Variants in ABCA13 observed in about 807,000 individuals in gnomAD.
ABCA13 encodes the protein ATP binding cassette subfamily A member 13, also known as ATP-binding cassette sub-family A member 13.
ABCA13 carries 476 observed loss-of-function variants against 478.7 expected under a neutral mutation model. That is an observed-to-expected ratio of 0.99 (90% CI 0.92 to 1.07). The LOEUF (loss-of-function observed/expected upper bound fraction) is 1.07. Ranked by LOEUF, ABCA13 falls within the 50% of genes least tolerant of loss-of-function variation. ABCA13 has a pLI of 0.00. For missense variants in ABCA13, 6,060 were observed against 5,910.6 expected (o/e 1.03, Z -0.83); for synonymous variants, 2,252 against 2,158.9 (o/e 1.04, Z -1.20).
intron 43 of ABCA13, among the ~76,000 whole-genome samples, chr7:48,462,487 C>CT (rs966457801): frequency 4.3e-5 from 6 of 138,304 alleles, no homozygotes; most frequent in African/African-American, 1.3e-4. Flanking sequence ...AGATTTAAGT[C>CT]TTTTTTTCAG....
intron 48 of ABCA13, among the ~76,000 whole-genome samples, chr7:48,490,922 G>A (rs189328825): frequency 1.8e-4 from 27 of 152,290 alleles, no homozygotes; most frequent in Admixed American, 1.3e-3. Context: ...TGACCTATTG[G>A]AAGGATACTG....
chr7:48,413,213 C>T (rs950440747), intron 41 of ABCA13, among the ~76,000 whole-genome samples: 2 of 152,170 alleles, frequency 1.3e-5, no homozygotes, highest in Admixed American at 1.3e-4. Context: ...TGTAATTCTT[C>T]ATGTAGAGAT....
chr7:48,275,965 A>G lies in ABCA13; in HGVS notation c.6299A>G (p.Gln2100Arg). ...ATGGCTCTTCAAAAGATAACTTTGC[A>G]GTTTGCCCATTTCCTGGAAATCCTG... ...NSMALQKITL[Q>R]FAHFLEILDS... Residue 2100 changes from glutamine to arginine, a missense_variant, in exon 17 of 62, where the codon CAG becomes CGG. By Grantham distance (43) the Gln-to-Arg change is conservative. Transcript: ENST00000435803. The G allele has an allele frequency of 6.2e-7, 1 of 1,613,702 alleles. No homozygotes were observed. Among genetic ancestry groups the G allele is most frequent in the African/African-American group, 1.3e-5 (1 of 75,054 alleles).
chr7:48,228,155 A>T (rs923854477), intron 6 of ABCA13, among the ~76,000 whole-genome samples: 2 of 152,170 alleles, frequency 1.3e-5, no homozygotes, highest in Non-Finnish European at 2.9e-5. Flanking sequence ...TACTTATTCT[A>T]TCTGCCATTG....
chr7:48,294,421 A>G (rs901066411), intron 20 of ABCA13, among the ~76,000 whole-genome samples: 9 of 137,926 alleles, frequency 6.5e-5, no homozygotes, highest in South Asian at 2.4e-4. Flanking sequence ...CTTTGTTTCT[A>G]TGGGTTTTTT....
At chr7:48,246,094 G>A in intron 13 of ABCA13, 64 bp downstream of exon 13, 1 of 1,523,732 alleles carries the variant, frequency 6.6e-7, no homozygotes. Context: ...CACCAAAGAT[G>A]CTAATATTTA....
At chr7:48,503,154 A>G (rs1371880321) in intron 48 of ABCA13, among the ~76,000 whole-genome samples, 1 of 152,142 alleles carries the variant, frequency 6.6e-6, no homozygotes, top group East Asian at 1.9e-4. Context: ...TGGCGCAATC[A>G]TGGTTCACTG....
intron 59 of ABCA13, among the ~76,000 whole-genome samples, chr7:48,627,700 G>A (rs1345973935): frequency 6.6e-6 from 1 of 152,160 alleles, no homozygotes. Context: ...GTTTATAAAG[G>A]AAAGAGGTTC....
At chr7:48,589,533 G>A (rs112625671) in intron 57 of ABCA13, among the ~76,000 whole-genome samples, 25 of 152,224 alleles carry the variant, frequency 1.6e-4, no homozygotes, top group Admixed American at 1.2e-3. Flanking sequence ...ACATATTGAT[G>A]ACATCACATA....
intron 55 of ABCA13, among the ~76,000 whole-genome samples, chr7:48,544,655 C>A (rs2131151394): frequency 6.6e-6 from 1 of 151,954 alleles, no homozygotes; most frequent in East Asian, 1.9e-4. Context: ...TACATCTTTT[C>A]ATTTCTATCT....
chr7:48,380,326 A>G (rs1349589390), intron 35 of ABCA13, among the ~76,000 whole-genome samples: 1 of 152,222 alleles, frequency 6.6e-6, no homozygotes, highest in Non-Finnish European at 1.5e-5. Flanking sequence ...ATGTGTTTGT[A>G]TATAATGGGG....
At chr7:48,297,595 T>C (rs1331800138) in intron 22 of ABCA13, among the ~76,000 whole-genome samples, 1 of 152,218 alleles carries the variant, frequency 6.6e-6, no homozygotes, top group African/African-American at 2.4e-5. Flanking sequence ...CTCTGTTTCC[T>C]TGGCTGTTCA....
chr7:48,250,705 A>T (rs1470503112), intron 15 of ABCA13, among the ~76,000 whole-genome samples: 1 of 152,232 alleles, frequency 6.6e-6, no homozygotes. Context: ...ATTCACAGGG[A>T]GTCCTCCTGT....
intron 59 of ABCA13, among the ~76,000 whole-genome samples, chr7:48,633,510 C>T (rs1235708837): frequency 6.6e-6 from 1 of 152,098 alleles, no homozygotes; most frequent in Non-Finnish European, 1.5e-5. Context: ...CTCAAATCAA[C>T]CACATGCTCA....
At chr7:48,454,386 GC>G (rs1825396058) in intron 42 of ABCA13, among the ~76,000 whole-genome samples, 1 of 152,244 alleles carries the variant, frequency 6.6e-6, no homozygotes, top group Non-Finnish European at 1.5e-5. Flanking sequence ...TCTTGAGGGA[GC>G]GTGGCCGGAT....
intron 55 of ABCA13, among the ~76,000 whole-genome samples, chr7:48,545,716 T>A: frequency 6.7e-6 from 1 of 148,422 alleles, no homozygotes; most frequent in African/African-American, 2.5e-5. Flanking sequence ...ACAAAGAAAA[T>A]GTAAGAAGTA....
chr7:48,319,794 C>T (rs1265045367), intron 27 of ABCA13, among the ~76,000 whole-genome samples: 1 of 152,176 alleles, frequency 6.6e-6, no homozygotes, highest in Non-Finnish European at 1.5e-5. Context: ...TTATTGCATT[C>T]TCTTTGAAGG....
intron 48 of ABCA13, among the ~76,000 whole-genome samples, chr7:48,498,697 G>A (rs1376355932): frequency 6.6e-6 from 1 of 152,126 alleles, no homozygotes; most frequent in Non-Finnish European, 1.5e-5. Flanking sequence ...AAAGTACACA[G>A]GCCACAGAGA....
chr7:48,549,796 T>C (rs1241514294), intron 55 of ABCA13, among the ~76,000 whole-genome samples: 1 of 151,876 alleles, frequency 6.6e-6, no homozygotes. Flanking sequence ...GGTTTTGATT[T>C]ACATTTCTCT....
Sources: allele counts gnomAD v4.1 joint callset (sites outside exome capture counted in the v4.1 genomes callset), GRCh38; gene constraint gnomAD v4.1.1; transcripts MANE v1.5; gene names NCBI Gene and HGNC (gene_info 2026-07-23, HGNC 2026-07-21).